SGCD: variants seen among roughly 807,000 people sequenced by gnomAD.
The protein encoded by SGCD is delta-sarcoglycan.
Under a neutral mutation model 36.6 loss-of-function variants are expected in SGCD, and 18 were observed. The ratio of observed to expected loss-of-function variants is 0.49; its 90% CI spans 0.34 to 0.73. SGCD has a LOEUF of 0.73. Ranked by LOEUF, SGCD falls within the 30% of genes least tolerant of loss-of-function variation. The probability of loss-of-function intolerance (pLI) is 0.01; values close to 1 mark genes in which losing one functional copy is unlikely to be tolerated. For missense variants in SGCD, 387 were observed against 346.7 expected (o/e 1.12, Z -0.92); for synonymous variants, 133 against 130.6 (o/e 1.02, Z -0.12).
chr5:155,751,712 A>T, the SGCD span, among the ~76,000 whole-genome samples: 120,005 of 150,462 alleles, frequency 0.8, 48,562 homozygotes, highest in African/African-American at 0.92. Context: ...GTTTTTTTTT[A>T]TAAAAAAAAA....
At chr5:156,114,809 G>C (rs1761871348) in intron 1 of SGCD, among the ~76,000 whole-genome samples, 1 of 152,020 alleles carries the variant, frequency 6.6e-6, no homozygotes, top group South Asian at 2.1e-4. Flanking sequence ...TGTTCTTACA[G>C]GCCTTGCCAT....
the SGCD span, among the ~76,000 whole-genome samples, chr5:155,842,051 T>G: frequency 6.6e-6 from 1 of 152,142 alleles, no homozygotes; most frequent in Non-Finnish European, 1.5e-5. Context: ...AAATGTCAGC[T>G]GCTGCTTTGA....
intron 1 of SGCD, among the ~76,000 whole-genome samples, chr5:156,101,979 T>C: frequency 6.8e-6 from 1 of 147,180 alleles, no homozygotes; most frequent in Non-Finnish European, 1.5e-5. Flanking sequence ...AAGCTGTGAG[T>C]TGGTGGTAGT....
chr5:156,321,813 A>C (rs1391224272), upstream of SGCD, among the ~76,000 whole-genome samples: 1 of 152,194 alleles, frequency 6.6e-6, no homozygotes, highest in Admixed American at 6.5e-5. Context: ...AGGGAGATAG[A>C]GTCTTGATTA....
At chr5:155,821,874 T>C in the SGCD span, among the ~76,000 whole-genome samples, 6 of 152,326 alleles carry the variant, frequency 3.9e-5, no homozygotes, top group African/African-American at 1.2e-4. Flanking sequence ...AAAGTGGAGA[T>C]AAAAATAATA....
At chr5:156,587,253 C>T (rs936913835) in intron 4 of SGCD, among the ~76,000 whole-genome samples, 4 of 152,150 alleles carry the variant, frequency 2.6e-5, no homozygotes, top group South Asian at 4.1e-4. Context: ...ATTCCAGCCA[C>T]GCTAAGAGTT....
rs553850759 is a variant in SGCD, at chr5:156,735,000, T to G, written c.576-22581T>G. Among the ~76,000 whole-genome samples, 310 of 152,342 alleles carry G rather than the reference T, an allele frequency of 2.0e-3. 1 individual carries two copies. Among genetic ancestry groups the G allele is most frequent in the Middle Eastern group, 0.014 (4 of 294 alleles). On this transcript the variant is annotated intron_variant, in intron 7 of 8. Transcript: ENST00000337851. The stretch of plus-strand genomic sequence containing the variant: ...GCTTATCTACCTTCAGTCTTTGAGG[T>G]TGCTGACCTCTGGATGGTTTTTTTG...
chr5:156,416,546 G>A (rs6872627), intron 3 of SGCD, among the ~76,000 whole-genome samples: 108,983 of 152,096 alleles, frequency 0.72, 40,302 homozygotes, highest in African/African-American at 0.91. Flanking sequence ...AAAAAATGGG[G>A]GGGGAAAAAA....
At chr5:156,542,345 C>T (rs1758381691) in intron 4 of SGCD, among the ~76,000 whole-genome samples, 1 of 152,280 alleles carries the variant, frequency 6.6e-6, no homozygotes, top group South Asian at 2.1e-4. Context: ...ACCACTTCCG[C>T]TATTTATGAT....
intron 3 of SGCD, among the ~76,000 whole-genome samples, chr5:156,369,637 G>C (rs1237936556): frequency 2.6e-5 from 4 of 152,136 alleles, no homozygotes; most frequent in Non-Finnish European, 5.9e-5. Context: ...TCCCTTACTA[G>C]CTTTTAGAGG....
At position 156,157,363 on chromosome 5, in the gene SGCD, A is replaced by C. The variant is rs187656449; in HGVS notation, c.-44+33344A>C. Among the ~76,000 whole-genome samples, 100 of 151,852 alleles carry C rather than the reference A, an allele frequency of 6.6e-4. 4 individuals are homozygous for C. Among genetic ancestry groups the C allele is most frequent in the African/African-American group, 2.4e-3 (99 of 41,104 alleles). On this transcript the variant is annotated intron_variant, in intron 3 of 9. Transcript: ENST00000517913. ...TCTCAAATTATAAAATGCACCGTAG[A>C]AAGTGTAGTTAGGAATAAACAGAGC... is the stretch of plus-strand genomic sequence containing the variant.
chr5:156,758,271 A>G (rs1757412363), intron 8 of SGCD, among the ~76,000 whole-genome samples: 1 of 152,228 alleles, frequency 6.6e-6, no homozygotes, highest in African/African-American at 2.4e-5. Context: ...TTTGCTAGCA[A>G]GACAAGCCAA....
intron 3 of SGCD, among the ~76,000 whole-genome samples, chr5:156,271,190 A>G (rs1256431762): frequency 6.6e-6 from 1 of 152,178 alleles, no homozygotes; most frequent in East Asian, 1.9e-4. Context: ...TTTCCAGGAT[A>G]TTTTTGGAGA....
chr5:156,361,108 C>G (rs1769767409), intron 3 of SGCD, among the ~76,000 whole-genome samples: 1 of 152,182 alleles, frequency 6.6e-6, no homozygotes, highest in African/African-American at 2.4e-5. Context: ...CTGCAGGCCC[C>G]ATATGGAGCT....
intron 1 of SGCD, among the ~76,000 whole-genome samples, chr5:156,103,483 G>A (rs548661169): frequency 3.9e-4 from 60 of 152,118 alleles, no homozygotes; most frequent in African/African-American, 1.3e-3. Context: ...AAAATTAAAT[G>A]TTTCCATTTT....
intron 4 of SGCD, among the ~76,000 whole-genome samples, chr5:156,548,842 C>T (rs904722507): frequency 6.6e-5 from 10 of 152,020 alleles, no homozygotes; most frequent in Admixed American, 1.3e-4. Flanking sequence ...AGCACAGGGC[C>T]GGTCTCTGAT....
intron 7 of SGCD, among the ~76,000 whole-genome samples, chr5:156,724,337 G>A (rs1479978345): frequency 1.3e-5 from 2 of 152,206 alleles, no homozygotes; most frequent in African/African-American, 4.8e-5. Flanking sequence ...GGGCGTGGTG[G>A]CTCACGCCTG....
At chr5:155,799,723 A>G in the SGCD span, among the ~76,000 whole-genome samples, 641 of 118,856 alleles carry the variant, frequency 5.4e-3, 1 homozygote, top group Non-Finnish European at 8.1e-3. Context: ...AACTACTTTT[A>G]TTTCCTTTTT....
intron 3 of SGCD, among the ~76,000 whole-genome samples, chr5:156,469,266 C>G (rs886338061): frequency 6.6e-6 from 1 of 152,148 alleles, no homozygotes; most frequent in Non-Finnish European, 1.5e-5. Flanking sequence ...CTTCCATCCA[C>G]TTCTCAAAGA....
Sources: allele counts gnomAD v4.1 joint callset (sites outside exome capture counted in the v4.1 genomes callset), GRCh38; gene constraint gnomAD v4.1.1; transcripts MANE v1.5; gene names NCBI Gene and HGNC (gene_info 2026-07-23, HGNC 2026-07-21).